Variants in ZNF438 observed in about 807,000 individuals in gnomAD.
ZNF438 encodes zinc finger protein 438.
A neutral mutation model predicts 38.0 loss-of-function variants in ZNF438; 25 were observed. That is an observed-to-expected ratio of 0.66 (90% CI 0.48 to 0.92). The LOEUF (loss-of-function observed/expected upper bound fraction) is 0.92, where lower values mean the gene tolerates loss of function less well. ZNF438 is among the 40% of genes least tolerant of loss of function. ZNF438 has a pLI of 0.00. For missense variants in ZNF438, 1,007 were observed against 999.6 expected (o/e 1.01, Z -0.10); for synonymous variants, 372 against 364.1 (o/e 1.02, Z -0.25).
intron 1 of ZNF438, among the ~76,000 whole-genome samples, chr10:31,023,470 A>G (rs1299088711): frequency 6.6e-6 from 1 of 152,216 alleles, no homozygotes; most frequent in African/African-American, 2.4e-5. Context: ...GGTTCCAAAT[A>G]TATTGTCCTG....
intron 1 of ZNF438, among the ~76,000 whole-genome samples, chr10:30,974,392 T>C (rs902751059): frequency 6.6e-6 from 1 of 152,198 alleles, no homozygotes; most frequent in Non-Finnish European, 1.5e-5. Flanking sequence ...AGGATCGCTT[T>C]AGCCTGGGAG....
At chr10:30,861,033 A>G (rs2133145912) in intron 4 of ZNF438, among the ~76,000 whole-genome samples, 1 of 152,312 alleles carries the variant, frequency 6.6e-6, no homozygotes, top group Non-Finnish European at 1.5e-5. Flanking sequence ...CTGAAAGAGG[A>G]ACTATAGCCC....
At chr10:31,004,620 C>T (rs115667867) in intron 1 of ZNF438, among the ~76,000 whole-genome samples, 4 of 152,298 alleles carry the variant, frequency 2.6e-5, no homozygotes, top group Middle Eastern at 3.4e-3. Flanking sequence ...AATTTTAAGG[C>T]TGCTGAGCGT....
intron 4 of ZNF438, among the ~76,000 whole-genome samples, chr10:30,871,648 G>A (rs1022140157): frequency 6.6e-6 from 1 of 152,184 alleles, no homozygotes; most frequent in Non-Finnish European, 1.5e-5. Flanking sequence ...TCTGTAAGCT[G>A]TAAGTATACA....
At chr10:31,022,706 C>G (rs182717319) in intron 1 of ZNF438, among the ~76,000 whole-genome samples, 2 of 152,132 alleles carry the variant, frequency 1.3e-5, no homozygotes, top group African/African-American at 4.8e-5. Context: ...AATGCCCAAC[C>G]GCACGACACA....
chr10:30,849,114 T>C (rs747319448), exon 5 of ZNF438: 2 of 1,613,800 alleles, frequency 1.2e-6, no homozygotes, highest in Non-Finnish European at 1.7e-6. Context: ...CGGTATTTTT[T>C]CAGGGTCCCC....
intron 2 of ZNF438, chr10:30,919,542 A>G (rs1304630825): frequency 1.3e-5 from 2 of 152,100 alleles, no homozygotes; most frequent in Non-Finnish European, 2.9e-5. Flanking sequence ...GTTCTTATTC[A>G]CTTAAAATTT....
chr10:30,931,231 C>G (rs980644597), intron 2 of ZNF438, among the ~76,000 whole-genome samples: 1 of 152,170 alleles, frequency 6.6e-6, no homozygotes, highest in South Asian at 2.1e-4. Context: ...ATCTTACTGA[C>G]CATGCCTGTC....
chr10:30,877,198 A>C (rs946185620), intron 3 of ZNF438, 133 bp from the exon 5 acceptor site: 3 of 456,398 alleles, frequency 6.6e-6, no homozygotes, highest in African/African-American at 2.0e-5. Flanking sequence ...AAATGGATTG[A>C]GCTATTAAGA....
chr10:31,030,449 CTAA>C (rs1462782965), intron 1 of ZNF438, among the ~76,000 whole-genome samples: 1 of 152,216 alleles, frequency 6.6e-6, no homozygotes, highest in Non-Finnish European at 1.5e-5. Context: ...TGCGAATCTC[CTAA>C]TAACAATAGC....
intron 4 of ZNF438, among the ~76,000 whole-genome samples, chr10:30,852,550 T>C (rs1267428639): frequency 6.6e-6 from 1 of 152,194 alleles, no homozygotes; most frequent in Non-Finnish European, 1.5e-5. Flanking sequence ...GAATTAACAA[T>C]TTTAGCAGGA....
rs144835154 is a variant in ZNF438 at position 30,935,535 on chromosome 10, T to C, written c.-115+6040A>G. On this transcript the variant is annotated intron_variant, in intron 2 of 5. Transcript: ENST00000413025. ...AGGGTGCCAAGACATTCATGAGGGA[T>C]CTGCGCCCATGACTCAAACACCTCC... Among the ~76,000 whole-genome samples the C allele has an allele frequency of 2.4e-3, 368 of 152,238 alleles. 1 individual carries two copies. The highest frequency in any genetic ancestry group is 8.3e-3 in the African/African-American group (345 of 41,516).
At chr10:30,914,018 G>A (rs969710630) in intron 2 of ZNF438, among the ~76,000 whole-genome samples, 1 of 152,040 alleles carries the variant, frequency 6.6e-6, no homozygotes, top group Admixed American at 6.6e-5. Flanking sequence ...GTTTTAAACT[G>A]ATATTTTGCA....
At chr10:30,919,570 T>C (rs1377969834) in intron 2 of ZNF438, 2 of 152,160 alleles carry the variant, frequency 1.3e-5, no homozygotes, top group Non-Finnish European at 1.5e-5. Context: ...CTTTTGCGTG[T>C]GATTTTGGTC....
At position 30,959,503 on chromosome 10, in the gene ZNF438, C is replaced by A. The variant is rs2049229320; in HGVS notation, c.-191-17852G>T. Among the ~76,000 whole-genome samples the A allele has an allele frequency of 1.4e-5, 2 of 144,628 alleles. 1 individual carries two copies. Among genetic ancestry groups the A allele is most frequent in the African/African-American group, 4.9e-5 (2 of 40,672 alleles). The allele number at this position is 144,628 out of a possible 152,430, so 94.9% of individuals were successfully genotyped here. A position where few individuals can be genotyped will look rare whatever the true frequency, so the allele number is the denominator to read the frequency against. On this transcript the variant is annotated intron_variant, in intron 1 of 5. Coordinates refer to ENST00000413025, the Ensembl canonical transcript of ZNF438. ...CCTGTAATCCCAGCACTTTGGAAGGCCGAGGTGGGCGGATCACGAGGTCAG... is the reference window on the plus strand; with the variant it reads ...CCTGTAATCCCAGCACTTTGGAAGGACGAGGTGGGCGGATCACGAGGTCAG...
intron 1 of ZNF438, among the ~76,000 whole-genome samples, chr10:30,981,214 G>C (rs2136433797): frequency 6.6e-6 from 1 of 152,310 alleles, no homozygotes; most frequent in Non-Finnish European, 1.5e-5. Flanking sequence ...TGACATGTTA[G>C]GGGACTGCAG....
chr10:30,909,589 C>T (rs765315239), intron 2 of ZNF438, among the ~76,000 whole-genome samples: 1 of 152,144 alleles, frequency 6.6e-6, no homozygotes, highest in African/African-American at 2.4e-5. Context: ...TTATCCTGAA[C>T]CTTTGTATCA....
At chr10:30,963,474 A>G (rs897455161) in intron 1 of ZNF438, among the ~76,000 whole-genome samples, 1 of 152,108 alleles carries the variant, frequency 6.6e-6, no homozygotes, top group African/African-American at 2.4e-5. Context: ...ATAGTGACAA[A>G]TATCGATAGC....
chr10:31,029,112 G>T (rs945422554), intron 1 of ZNF438, among the ~76,000 whole-genome samples: 4 of 152,178 alleles, frequency 2.6e-5, no homozygotes, highest in African/African-American at 9.7e-5. Context: ...GGACTCCAAA[G>T]CCACAATGCT....
Sources: allele counts gnomAD v4.1 joint callset (sites outside exome capture counted in the v4.1 genomes callset), GRCh38; gene constraint gnomAD v4.1.1; transcripts MANE v1.5; gene names NCBI Gene and HGNC (gene_info 2026-07-23, HGNC 2026-07-21).